Variants in SUGCT observed in about 807,000 individuals in gnomAD.
The protein encoded by SUGCT is succinyl-CoA:glutarate-CoA transferase, also known as succinyl-CoA:glutarate CoA-transferase.
In SUGCT, 41 loss-of-function variants were observed where a neutral mutation model predicts 55.0. That is an observed-to-expected ratio of 0.74 (90% CI 0.58 to 0.97). SUGCT has a LOEUF of 0.97. Among genes scored for constraint, SUGCT ranks in the 50% least tolerant of loss-of-function variants. The probability of loss-of-function intolerance (pLI) is 0.00; values close to 1 mark genes in which losing one functional copy is unlikely to be tolerated. For synonymous variants in SUGCT, 187 were observed against 200.4 expected, an observed-to-expected ratio of 0.93 and a Z score of 0.56; for missense variants, 568 against 547.8, an observed-to-expected ratio of 1.04 and a Z score of -0.37.
intron 12 of SUGCT, among the ~76,000 whole-genome samples, chr7:40,722,330 T>G (rs1307454078): frequency 6.6e-6 from 1 of 152,222 alleles, no homozygotes; most frequent in Non-Finnish European, 1.5e-5. Context: ...GGGGAGTCTC[T>G]TGGCAGAGTC....
At chr7:40,529,924 C>T (rs939645448) in intron 12 of SUGCT, among the ~76,000 whole-genome samples, 9 of 152,228 alleles carry the variant, frequency 5.9e-5, no homozygotes, top group Non-Finnish European at 1.3e-4. Flanking sequence ...TTCTGAGGGC[C>T]AGAAATGTGG....
At position 40,401,135 on chromosome 7, in the gene SUGCT, A is replaced by AG. The variant is rs138548417; in HGVS notation, c.817-48151dup. Among the ~76,000 whole-genome samples, 551 of 152,322 alleles carry AG rather than the reference A, an allele frequency of 3.6e-3. 9 individuals carry two copies. The East Asian group carries it at 0.073, about 20-fold the overall frequency. ...TTTGATTCTTTTTTTCTTGTGGAAT[A>AG]GCCTGTATCTCATAAAGCCTCAGAT... is the stretch of plus-strand genomic sequence containing the variant. On this transcript the variant is annotated intron_variant, in intron 9 of 13. Coordinates refer to ENST00000335693, the MANE Select transcript of SUGCT (RefSeq NM_001193313.2).
chr7:40,890,343 A>C, the SUGCT span, among the ~76,000 whole-genome samples: 6 of 142,434 alleles, frequency 4.2e-5, no homozygotes, highest in Non-Finnish European at 9.1e-5. Context: ...TAATATATAA[A>C]TATTAATATA....
chr7:40,247,312 G>T (rs1187103379), intron 7 of SUGCT, among the ~76,000 whole-genome samples: 1 of 152,148 alleles, frequency 6.6e-6, no homozygotes, highest in Non-Finnish European at 1.5e-5. Flanking sequence ...CTGGAGTGCA[G>T]TGGCATGATC....
intron 9 of SUGCT, among the ~76,000 whole-genome samples, chr7:40,443,493 A>AT (rs1788633636): frequency 6.6e-6 from 1 of 152,144 alleles, no homozygotes; most frequent in African/African-American, 2.4e-5. Flanking sequence ...GCATTTTTTC[A>AT]TGTGTCTGTT....
chr7:40,184,868 T>A (rs938510250), intron 3 of SUGCT, among the ~76,000 whole-genome samples: 4 of 152,188 alleles, frequency 2.6e-5, no homozygotes, highest in African/African-American at 9.6e-5. Flanking sequence ...GTTTCCTTCT[T>A]TTTTAAAAAA....
chr7:40,206,184 C>T (rs914124144), intron 6 of SUGCT, among the ~76,000 whole-genome samples: 2 of 152,114 alleles, frequency 1.3e-5, no homozygotes, highest in Non-Finnish European at 2.9e-5. Flanking sequence ...AATTGTTTCC[C>T]CTTATGGTAA....
chr7:40,587,228 A>G (rs183145519), intron 12 of SUGCT, among the ~76,000 whole-genome samples: 64 of 152,336 alleles, frequency 4.2e-4, no homozygotes, highest in African/African-American at 1.4e-3. Context: ...TAGTGGTTAC[A>G]TGACTATACA....
intron 13 of SUGCT, among the ~76,000 whole-genome samples, chr7:40,847,779 G>A (rs573449979): frequency 3.4e-4 from 51 of 152,144 alleles, no homozygotes; most frequent in African/African-American, 1.1e-3. Context: ...AGGGACAAGG[G>A]TGTGTAATAC....
At chr7:40,386,129 A>G (rs1025931677) in intron 9 of SUGCT, among the ~76,000 whole-genome samples, 3 of 152,182 alleles carry the variant, frequency 2.0e-5, no homozygotes, top group Non-Finnish European at 4.4e-5. Flanking sequence ...CAATCTGGAA[A>G]GCCATCTTAG....
At chr7:40,628,269 G>T (rs1799619376) in intron 12 of SUGCT, among the ~76,000 whole-genome samples, 1 of 152,198 alleles carries the variant, frequency 6.6e-6, no homozygotes, top group South Asian at 2.1e-4. Flanking sequence ...CAAATGTTTT[G>T]TTGTTTAAAT....
intron 12 of SUGCT, among the ~76,000 whole-genome samples, chr7:40,504,079 C>T (rs1485075786): frequency 3.9e-5 from 6 of 152,198 alleles, no homozygotes; most frequent in African/African-American, 1.2e-4. Context: ...TGGAAAGATA[C>T]GTTCGTCAAA....
chr7:40,325,921 C>G (rs1796009983), intron 9 of SUGCT, among the ~76,000 whole-genome samples: 1 of 38,406 alleles, frequency 2.6e-5, no homozygotes, highest in Non-Finnish European at 5.2e-5. Flanking sequence ...TTGTTTTTGG[C>G]AGATTCTAGA....
intron 9 of SUGCT, among the ~76,000 whole-genome samples, chr7:40,363,986 A>G (rs1024730388): frequency 4.6e-5 from 7 of 151,976 alleles, no homozygotes; most frequent in Admixed American, 6.5e-5. Context: ...TGCTTTATGA[A>G]TCTGGGTGCT....
At chr7:40,240,691 A>G (rs1488514646) in intron 7 of SUGCT, among the ~76,000 whole-genome samples, 1 of 152,338 alleles carries the variant, frequency 6.6e-6, no homozygotes, top group South Asian at 2.1e-4. Flanking sequence ...TCCATTGCAT[A>G]TGAACTTTTC....
intron 13 of SUGCT, chr7:40,782,640 C>CA (rs1789814444): frequency 6.6e-6 from 1 of 152,154 alleles, no homozygotes; most frequent in Non-Finnish European, 1.5e-5. Context: ...TGGATTGGCA[C>CA]ATGCATCCTT....
downstream of SUGCT, among the ~76,000 whole-genome samples, chr7:40,862,472 A>G (rs149858155): frequency 8.7e-4 from 132 of 152,366 alleles, no homozygotes; most frequent in African/African-American, 3.0e-3. Flanking sequence ...CATGCTTGCT[A>G]AAATTTCTAA....
At chr7:40,687,479 G>A (rs1784514776) in intron 12 of SUGCT, among the ~76,000 whole-genome samples, 1 of 152,096 alleles carries the variant, frequency 6.6e-6, no homozygotes. Context: ...AGTAGTTGAT[G>A]GTCTAGTCCC....
intron 6 of SUGCT, among the ~76,000 whole-genome samples, chr7:40,204,313 T>C (rs1786813274): frequency 6.6e-6 from 1 of 151,106 alleles, no homozygotes. Flanking sequence ...AATTTTTTTT[T>C]TTTTTTTGAT....
Sources: gnomAD v4.1 joint callset for allele counts (sites outside exome capture counted in the v4.1 genomes callset) on GRCh38, gnomAD v4.1.1 for gene constraint, MANE v1.5 for transcripts, NCBI Gene and HGNC (gene_info 2026-07-23, HGNC 2026-07-21) for gene names.